ZC3H3: variants seen among roughly 807,000 people sequenced by gnomAD.
ZC3H3 encodes zinc finger CCCH-type containing 3.
Under a neutral mutation model 77.3 loss-of-function variants are expected in ZC3H3, and 36 were observed. The ratio of observed to expected loss-of-function variants is 0.47; its 90% confidence interval spans 0.36 to 0.61. ZC3H3 has a LOEUF of 0.61. Among genes scored for constraint, ZC3H3 ranks in the 20% least tolerant of loss-of-function variants. ZC3H3 has a pLI of 0.00. For synonymous variants in ZC3H3, 626 were observed against 555.2 expected, an observed-to-expected ratio of 1.13 and a Z score of -1.79; for missense variants, 1,331 against 1,312.2, an observed-to-expected ratio of 1.01 and a Z score of -0.22.
At chr8:143,443,417 C>T (rs1586870888) in intron 9 of ZC3H3, among the ~76,000 whole-genome samples, 1 of 151,962 alleles carries the variant, frequency 6.6e-6, no homozygotes, top group African/African-American at 2.4e-5. Context: ...AGGCCTGAGA[C>T]CTTCATCTCA....
chr8:143,521,671 C>T (rs1364846739), intron 3 of ZC3H3, among the ~76,000 whole-genome samples: 1 of 152,222 alleles, frequency 6.6e-6, no homozygotes, highest in African/African-American at 2.4e-5. Flanking sequence ...CGCCTTACTT[C>T]ATTCTCACCA....
chr8:143,471,668 T>C (rs1820568856), intron 5 of ZC3H3, among the ~76,000 whole-genome samples: 1 of 151,674 alleles, frequency 6.6e-6, no homozygotes, highest in East Asian at 2.0e-4. Flanking sequence ...AGGGCTCGGC[T>C]TCAGGGACTG....
chr8:143,500,023 C>T (rs981511580), intron 4 of ZC3H3, among the ~76,000 whole-genome samples: 3 of 152,098 alleles, frequency 2.0e-5, no homozygotes, highest in Admixed American at 6.5e-5. Flanking sequence ...TTCGACACCA[C>T]CCCCCAGCCC....
chr8:143,502,253 A>G (rs1408276607), intron 4 of ZC3H3, among the ~76,000 whole-genome samples: 3 of 152,226 alleles, frequency 2.0e-5, no homozygotes, highest in Non-Finnish European at 4.4e-5. Flanking sequence ...CCAGCCGACG[A>G]AGACAGTGCC....
intron 3 of ZC3H3, among the ~76,000 whole-genome samples, chr8:143,535,553 C>T (rs1255694976): frequency 6.6e-6 from 1 of 152,218 alleles, no homozygotes; most frequent in Non-Finnish European, 1.5e-5. Context: ...GGGTGCCACA[C>T]CCAAGGGCTC....
intron 3 of ZC3H3, among the ~76,000 whole-genome samples, chr8:143,518,696 C>T (rs1344159418): frequency 6.6e-6 from 1 of 152,218 alleles, no homozygotes; most frequent in African/African-American, 2.4e-5. Context: ...GGGCCAGGCC[C>T]ACCAAAGCTG....
At chr8:143,456,306 G>C (rs1250227054) in intron 9 of ZC3H3, among the ~76,000 whole-genome samples, 1 of 152,062 alleles carries the variant, frequency 6.6e-6, no homozygotes. Context: ...CCCTAATATA[G>C]CAATAACCAC....
chr8:143,540,100 A>G (rs1488607372), intron 1 of ZC3H3, among the ~76,000 whole-genome samples: 1 of 152,278 alleles, frequency 6.6e-6, no homozygotes, highest in Non-Finnish European at 1.5e-5. Flanking sequence ...ATGGGAGCTC[A>G]AGAAGTGTCC....
chr8:143,439,580 CGTG>C (rs1191550583), intron 11 of ZC3H3, among the ~76,000 whole-genome samples: 2 of 152,206 alleles, frequency 1.3e-5, no homozygotes, highest in East Asian at 1.9e-4. Flanking sequence ...TCCAGGAGTG[CGTG>C]GTGATCTTCC....
At chr8:143,467,643 C>T (rs957538250) in intron 8 of ZC3H3, among the ~76,000 whole-genome samples, 7 of 152,240 alleles carry the variant, frequency 4.6e-5, no homozygotes, top group African/African-American at 1.7e-4. Context: ...ATGTCCCCCC[C>T]AGCCCCAGGG....
chr8:143,452,829 C>T (rs1170129035), intron 9 of ZC3H3, among the ~76,000 whole-genome samples: 1 of 152,084 alleles, frequency 6.6e-6, no homozygotes, highest in Non-Finnish European at 1.5e-5. Flanking sequence ...ACCTTGGGAC[C>T]ACAACAAAAG....
rs1819631550 is a variant in ZC3H3, at chr8:143,438,077, C to T, written c.2826G>A (p.Leu942=). Residue 942 remains leucine (L), a synonymous_variant, in exon 12 of 12, where the codon CTG becomes CTA. Coordinates refer to ENST00000262577, the MANE Select transcript of ZC3H3 (RefSeq NM_015117.3). ...APLTKDSGKP[L]HIKPRL is the part of the protein sequence containing the mutation. ...GTCCTCACAGACGTGGTTTGATGTG[C>T]AGAGGCTTCCCTATGCAAAGAGGGC... 2 of 1,610,870 alleles carry T rather than the reference C, an allele frequency of 1.2e-6. No homozygotes were observed. The highest frequency in any genetic ancestry group is 1.3e-5 in the African/African-American group (1 of 74,866).
At position 143,490,075 on chromosome 8, in the gene ZC3H3, A is replaced by C. The variant is rs963425369; in HGVS notation, c.1716-14490T>G. Among the ~76,000 whole-genome samples, 4 of 152,148 alleles carry C rather than the reference A, an allele frequency of 2.6e-5. No individual in the cohort carries two copies. In the South Asian group the frequency reaches 8.3e-4, roughly 32 times the overall value. Reference sequence around the variant, plus strand: ...CGTGGTTCCTAAACCACGCCCAGCAAGCACCTGACACACAGGGCCCTGGCA... The same window carrying C: ...CGTGGTTCCTAAACCACGCCCAGCACGCACCTGACACACAGGGCCCTGGCA... On this transcript the variant is annotated intron_variant, in intron 4 of 11. Transcript: ENST00000262577.
At chr8:143,541,098 G>A (rs1268096974) in intron 1 of ZC3H3, among the ~76,000 whole-genome samples, 1 of 152,176 alleles carries the variant, frequency 6.6e-6, no homozygotes, top group African/African-American at 2.4e-5. Flanking sequence ...CGGTGGTGGG[G>A]AGGGCCGCCG....
At chr8:143,453,781 T>C (rs959325898) in intron 9 of ZC3H3, among the ~76,000 whole-genome samples, 7 of 152,258 alleles carry the variant, frequency 4.6e-5, no homozygotes, top group African/African-American at 1.7e-4. Flanking sequence ...TAACTGTGTC[T>C]GTTGTGGTTC....
At chr8:143,483,303 T>A (rs567456141) in intron 4 of ZC3H3, among the ~76,000 whole-genome samples, 380 of 152,312 alleles carry the variant, frequency 2.5e-3, no homozygotes, top group Non-Finnish European at 4.4e-3. Context: ...TCCATGCGTG[T>A]GCGCGTGTGG....
At chr8:143,523,468 G>C in intron 3 of ZC3H3, 4 of 985,418 alleles carry the variant, frequency 4.1e-6, no homozygotes, top group Non-Finnish European at 4.8e-6. Context: ...CATCTTGGAA[G>C]ACACTCCCCG....
Position 143,536,427 on chromosome 8 carries a change from G to C in ZC3H3, c.1391C>G (p.Thr464Ser), listed in dbSNP as rs371521019. ...GCTCTTGGCGGTGGCGGCAGGTGAG[G>C]TGCCGCTTTTCTTGTCTCCAGGAAG... ...TSLPGDKKSGTSPAATAKSHL... is the reference protein window; with the variant it reads ...TSLPGDKKSGSSPAATAKSHL... Residue 464 changes from threonine (T) to serine (S), a missense_variant, in exon 3 of 12, where the codon ACC (threonine) becomes AGC (serine). This residue lies in a region of ZC3H3 where 978 missense variants were observed against 915.5 expected (regional missense o/e 1.07). Transcript: ENST00000262577. 5 of 1,535,676 alleles carry C rather than the reference G, an allele frequency of 3.3e-6. No individual in the cohort carries two copies. In the African/African-American group the frequency reaches 6.9e-5, roughly 21 times the overall value.
At chr8:143,528,074 C>T (rs930403461) in intron 3 of ZC3H3, among the ~76,000 whole-genome samples, 3 of 152,222 alleles carry the variant, frequency 2.0e-5, no homozygotes, top group South Asian at 2.1e-4. Flanking sequence ...TCCTCACTCT[C>T]GCTGGGGCCA....
Sources: allele counts gnomAD v4.1 joint callset (sites outside exome capture counted in the v4.1 genomes callset), GRCh38; gene constraint gnomAD v4.1.1; regional missense constraint gnomAD v4.1.1; transcripts MANE v1.5; gene names NCBI Gene and HGNC (gene_info 2026-07-23, HGNC 2026-07-21).